Variants in GPC6 observed in about 807,000 individuals in gnomAD.
The protein encoded by GPC6 is glypican 6.
Under a neutral mutation model 55.2 loss-of-function variants are expected in GPC6, and 14 were observed. The ratio of observed to expected loss-of-function variants is 0.25; its 90% CI spans 0.17 to 0.40. GPC6 has a LOEUF of 0.40. Ranked by LOEUF, GPC6 falls within the 10% of genes least tolerant of loss-of-function variation. The probability of loss-of-function intolerance (pLI) is 1.00; values close to 1 mark genes in which losing one functional copy is unlikely to be tolerated. For synonymous variants in GPC6, 278 were observed against 259.6 expected (o/e 1.07, Z -0.68); for missense variants, 641 against 708.5 (o/e 0.90, Z 1.08).
intron 1 of GPC6, among the ~76,000 whole-genome samples, chr13:93,244,446 A>G (rs1197960728): frequency 6.6e-6 from 1 of 152,238 alleles, no homozygotes; most frequent in African/African-American, 2.4e-5. Flanking sequence ...TTAGGTTGCA[A>G]ATCTCGCTTG....
chr13:93,696,568 AAAAC>A (rs1382890571), intron 2 of GPC6, among the ~76,000 whole-genome samples: 1 of 151,812 alleles, frequency 6.6e-6, no homozygotes, highest in Non-Finnish European at 1.5e-5. Flanking sequence ...ACAAAAACAA[AAAAC>A]AAACAACAGC....
At chr13:94,310,150 A>G (rs935649568) in intron 6 of GPC6, among the ~76,000 whole-genome samples, 2 of 152,236 alleles carry the variant, frequency 1.3e-5, no homozygotes, top group Admixed American at 1.3e-4. Flanking sequence ...AAATTAGAGC[A>G]CAACATGTTC....
chr13:94,141,924 AAC>A (rs1268831770), intron 4 of GPC6, among the ~76,000 whole-genome samples: 1 of 152,156 alleles, frequency 6.6e-6, no homozygotes, highest in African/African-American at 2.4e-5. Context: ...TCTCGTTAGA[AAC>A]TATTTATTTC....
chr13:94,104,819 A>T (rs1352382712), intron 4 of GPC6, among the ~76,000 whole-genome samples: 1 of 152,146 alleles, frequency 6.6e-6, no homozygotes, highest in African/African-American at 2.4e-5. Flanking sequence ...ATAAAAGAGG[A>T]CACAAACAAA....
At chr13:93,992,269 T>C (rs1455204524) in intron 3 of GPC6, among the ~76,000 whole-genome samples, 1 of 151,930 alleles carries the variant, frequency 6.6e-6, no homozygotes, top group Non-Finnish European at 1.5e-5. Context: ...CTTCTTTTTA[T>C]GTTTTATTTT....
chr13:93,396,302 C>T (rs548875639), intron 1 of GPC6, among the ~76,000 whole-genome samples: 5 of 152,292 alleles, frequency 3.3e-5, no homozygotes, highest in East Asian at 1.9e-4. Context: ...TGGTAGCTCA[C>T]GCCTGTAATC....
At chr13:93,583,744 G>A (rs773224521) in intron 2 of GPC6, among the ~76,000 whole-genome samples, 12 of 152,124 alleles carry the variant, frequency 7.9e-5, no homozygotes, top group Non-Finnish European at 1.5e-4. Context: ...GAATATTCTT[G>A]TAGTAGTTAG....
intron 6 of GPC6, among the ~76,000 whole-genome samples, chr13:94,321,326 T>C (rs925421368): frequency 1.3e-5 from 2 of 152,194 alleles, no homozygotes; most frequent in African/African-American, 2.4e-5. Context: ...CTGATGGACA[T>C]GTAGGTTGAT....
At chr13:94,009,942 T>G (rs2138697817) in intron 3 of GPC6, among the ~76,000 whole-genome samples, 1 of 152,320 alleles carries the variant, frequency 6.6e-6, no homozygotes, top group African/African-American at 2.4e-5. Context: ...GAGTTGTTAT[T>G]ACATATTTTG....
At chr13:93,888,355 G>T (rs747814028) in intron 3 of GPC6, among the ~76,000 whole-genome samples, 1 of 152,160 alleles carries the variant, frequency 6.6e-6, no homozygotes, top group East Asian at 1.9e-4. Flanking sequence ...GATATGCATA[G>T]CCTGATGGTC....
intron 4 of GPC6, among the ~76,000 whole-genome samples, chr13:94,156,096 T>C (rs2138904672): frequency 6.6e-6 from 1 of 152,290 alleles, no homozygotes; most frequent in Admixed American, 6.5e-5. Flanking sequence ...GGCTTTTCCA[T>C]ATCTCTGCCA....
In GPC6 at chr13:93,756,997, A is replaced by G. The variant is rs374746583; in HGVS notation, c.320-73157A>G. Reference sequence around the variant, plus strand: ...CTCTAATTGCTCTGTGGCACATTTTACATCGCAAAGATTCTACTTCAAACC... The same window carrying G: ...CTCTAATTGCTCTGTGGCACATTTTGCATCGCAAAGATTCTACTTCAAACC... On this transcript the variant is annotated intron_variant, in intron 2 of 8. Transcript: ENST00000377047. 4.6e-5 allele frequency among the ~76,000 whole-genome samples: 7 copies of G among 152,310 alleles called. No individual in the cohort carries two copies. The South Asian group carries it at 1.0e-3, about 23-fold the overall frequency.
At chr13:94,126,512 G>C (rs892124175) in intron 4 of GPC6, among the ~76,000 whole-genome samples, 4 of 152,116 alleles carry the variant, frequency 2.6e-5, no homozygotes, top group African/African-American at 9.7e-5. Context: ...CTTTCTACCA[G>C]GAAAAAGTTG....
At chr13:94,312,109 T>C (rs187692202) in intron 6 of GPC6, among the ~76,000 whole-genome samples, 1 of 152,324 alleles carries the variant, frequency 6.6e-6, no homozygotes, top group Admixed American at 6.5e-5. Context: ...ATAACATCCC[T>C]GTGTGTCTGC....
chr13:93,967,714 G>A (rs1880109645), intron 3 of GPC6, among the ~76,000 whole-genome samples: 1 of 152,108 alleles, frequency 6.6e-6, no homozygotes, highest in Non-Finnish European at 1.5e-5. Context: ...AATATTTAAG[G>A]AAAATTCTAG....
intron 2 of GPC6, among the ~76,000 whole-genome samples, chr13:93,743,458 T>G (rs546643880): frequency 1.3e-3 from 203 of 152,336 alleles, no homozygotes; most frequent in Admixed American, 2.9e-3. Context: ...TCTTAAGGTA[T>G]TCATCATTAG....
At chr13:93,410,278 T>C (rs1876445657) in intron 1 of GPC6, among the ~76,000 whole-genome samples, 1 of 152,170 alleles carries the variant, frequency 6.6e-6, no homozygotes, top group Non-Finnish European at 1.5e-5. Flanking sequence ...CTACAAACCA[T>C]ACTTCTTTCA....
intron 4 of GPC6, among the ~76,000 whole-genome samples, chr13:94,036,909 A>G (rs900892415): frequency 6.6e-6 from 1 of 152,008 alleles, no homozygotes. Flanking sequence ...CCTTGGTATT[A>G]TCACTGGCAC....
At chr13:94,109,929 C>A (rs964357070) in intron 4 of GPC6, among the ~76,000 whole-genome samples, 3 of 151,888 alleles carry the variant, frequency 2.0e-5, no homozygotes, top group African/African-American at 7.3e-5. Flanking sequence ...GTCATTGTTA[C>A]AGTAATCATG....
Sources: gnomAD v4.1 joint callset for allele counts (sites outside exome capture counted in the v4.1 genomes callset) on GRCh38, gnomAD v4.1.1 for gene constraint, MANE v1.5 for transcripts, NCBI Gene and HGNC (gene_info 2026-07-23, HGNC 2026-07-21) for gene names.